The following PRKN variants were observed in gnomAD, a reference collection of about 807,000 sequenced individuals.
PRKN encodes the protein E3 ubiquitin-protein ligase parkin.
In PRKN, 56 loss-of-function variants were observed where a neutral mutation model predicts 59.5. The ratio of observed to expected loss-of-function variants is 0.94; its 90% CI spans 0.76 to 1.18. The LOEUF is 1.18. Ranked by LOEUF, PRKN falls within the 50% of genes most tolerant of loss-of-function variation. The probability of loss-of-function intolerance (pLI) is 0.00; values close to 1 mark genes in which losing one functional copy is unlikely to be tolerated. For synonymous variants in PRKN, 250 were observed against 222.1 expected (o/e 1.13, Z -1.12); for missense variants, 657 against 596.4 (o/e 1.10, Z -1.06).
chr6:162,019,555 G>A (rs1260917320), intron 5 of PRKN, among the ~76,000 whole-genome samples: 3 of 152,160 alleles, frequency 2.0e-5, no homozygotes, highest in African/African-American at 7.2e-5. Flanking sequence ...GCGCTGATGT[G>A]TAATTAATCT....
In PRKN at chr6:161,830,547, C is replaced by T. The variant is rs532478311; in HGVS notation, c.735-44639G>A. The stretch of plus-strand genomic sequence containing the variant: ...GATAACAGGCGTGAGCCCCCGCACC[C>T]GGCCCGCCTTTGTTTTACTAATAAC... On this transcript the variant is annotated intron_variant, in intron 6 of 11. Coordinates refer to ENST00000366898, the MANE Select transcript of PRKN (RefSeq NM_004562.3). Among the ~76,000 whole-genome samples the T allele has an allele frequency of 1.7e-4, 26 of 152,296 alleles. No individual in the cohort carries two copies. The South Asian group carries it at 1.9e-3, about 11-fold the overall frequency.
chr6:162,113,763 T>C (rs1326729198), intron 4 of PRKN, among the ~76,000 whole-genome samples: 1 of 152,230 alleles, frequency 6.6e-6, no homozygotes, highest in Non-Finnish European at 1.5e-5. Context: ...CCATTGTTTT[T>C]GGTGTTTTAG....
chr6:162,026,725 G>A (rs1261412259), intron 5 of PRKN, among the ~76,000 whole-genome samples: 1 of 152,042 alleles, frequency 6.6e-6, no homozygotes, highest in African/African-American at 2.4e-5. Context: ...GGCTTGAAAC[G>A]TAATTGTGCT....
At chr6:161,972,317 A>G (rs902135323) in intron 6 of PRKN, among the ~76,000 whole-genome samples, 1 of 152,052 alleles carries the variant, frequency 6.6e-6, no homozygotes, top group Non-Finnish European at 1.5e-5. Flanking sequence ...ATGAGGGCTA[A>G]GTTCTCACTA....
intron 7 of PRKN, among the ~76,000 whole-genome samples, chr6:161,580,044 G>A (rs1026802475): frequency 1.3e-5 from 2 of 152,054 alleles, no homozygotes; most frequent in African/African-American, 4.8e-5. Flanking sequence ...GCTGGGGTGA[G>A]ATACATTTGA....
chr6:161,550,223 GA>G lies in PRKN; in HGVS notation c.934-1221del. ...GGCGGAGGCAGAGAGAACAAGGAGG[GA>G]AAAAAACAGAAGGTGAAGTTGGAGA... On this transcript the variant is annotated intron_variant, in intron 8 of 11. Transcript: ENST00000366898. This position sits in a 1 kb window ranked among gnomAD's most constrained non-coding sequence, Gnocchi z 4.0. 1.3e-5 allele frequency among the ~76,000 whole-genome samples: 2 copies of G among 152,156 alleles called. No homozygotes were observed. The highest frequency in any genetic ancestry group is 1.5e-5 in the Non-Finnish European group (1 of 67,984).
chr6:161,663,715 G>A (rs1274714824), intron 7 of PRKN, among the ~76,000 whole-genome samples: 3 of 152,166 alleles, frequency 2.0e-5, no homozygotes, highest in Admixed American at 1.3e-4. Flanking sequence ...TTCACTTTAT[G>A]TATGATTTTA....
intron 6 of PRKN, among the ~76,000 whole-genome samples, chr6:161,881,921 G>A (rs756263913): frequency 6.6e-6 from 1 of 152,052 alleles, no homozygotes; most frequent in Non-Finnish European, 1.5e-5. Flanking sequence ...GGCCAGCTAG[G>A]ACAGGCACCA....
intron 4 of PRKN, among the ~76,000 whole-genome samples, chr6:162,073,229 T>C (rs1778660431): frequency 6.6e-6 from 1 of 152,238 alleles, no homozygotes; most frequent in African/African-American, 2.4e-5. Flanking sequence ...ACTCACTTTA[T>C]AACAACCCCA....
intron 4 of PRKN, among the ~76,000 whole-genome samples, chr6:162,141,936 C>G (rs1781799195): frequency 6.6e-6 from 1 of 152,316 alleles, no homozygotes; most frequent in African/African-American, 2.4e-5. Flanking sequence ...GCAAGATGAT[C>G]ACCAAAACCT....
intron 1 of PRKN, among the ~76,000 whole-genome samples, chr6:162,614,091 G>GT (rs1782300691): frequency 6.6e-6 from 1 of 152,154 alleles, no homozygotes; most frequent in Non-Finnish European, 1.5e-5. Context: ...TATAAATACT[G>GT]TATTTGTAGG....
At position 162,710,414 on chromosome 6, in the gene PRKN, C is replaced by CACACACACACACACACACACACACAA. The variant is rs759309558; in HGVS notation, c.7+17247_7+17248insTTGTGTGTGTGTGTGTGTGTGTGTGT. On this transcript the variant is annotated intron_variant, in intron 1 of 11. Transcript: ENST00000366898. The stretch of plus-strand genomic sequence containing the variant: ...ACACACACACACACACACACACACA[C>CACACACACACACACACACACACACAA]AACTGTTTGGTATGATGAGGAAGAA... 3.6e-4 allele frequency among the ~76,000 whole-genome samples: 54 copies of CACACACACACACACACACACACACAA among 150,070 alleles called. 1 individual carries two copies. The highest frequency in any genetic ancestry group is 1.1e-3 in the African/African-American group (44 of 40,166).
intron 6 of PRKN, among the ~76,000 whole-genome samples, chr6:161,816,479 C>T (rs1196744423): frequency 1.3e-5 from 2 of 152,128 alleles, no homozygotes; most frequent in Non-Finnish European, 2.9e-5. Context: ...AATTGAATTG[C>T]ACACTTTCAA....
chr6:162,444,547 T>TC (rs1222163033), intron 1 of PRKN, among the ~76,000 whole-genome samples: 4 of 152,040 alleles, frequency 2.6e-5, no homozygotes, highest in South Asian at 2.1e-4. Flanking sequence ...ATTCATGACC[T>TC]CCCTCCTTCT....
chr6:161,622,160 G>A (rs1454318185), intron 7 of PRKN, among the ~76,000 whole-genome samples: 2 of 149,684 alleles, frequency 1.3e-5, no homozygotes, highest in African/African-American at 4.8e-5. Flanking sequence ...GCAGATGGGG[G>A]GCTGCCCTCT....
rs1391855710 is a variant in PRKN at position 161,369,885 on chromosome 6, A to G, written c.1168-9680T>C. 5 of 345,954 alleles carry G rather than the reference A, an allele frequency of 1.4e-5. No individual in the cohort carries two copies. The highest frequency in any genetic ancestry group is 7.7e-5 in the East Asian group (1 of 13,068). 21.4% of individuals were successfully genotyped at this position (345,954 alleles called of 1,614,324 possible). A position where few individuals can be genotyped will look rare whatever the true frequency, so the allele number is the denominator to read the frequency against. ...AAAATTCCCTCAGAAAGGTAAAGGC[A>G]TGATCGTCCATCTGTGGCTCAAGAG... On this transcript the variant is annotated intron_variant, in intron 10 of 11. Transcript: ENST00000366898. The surrounding 1 kb of genome is among the most constrained non-coding windows in gnomAD (Gnocchi z 5.8).
At position 161,907,618 on chromosome 6, in the gene PRKN, G is replaced by C. The variant is rs74474159; in HGVS notation, c.734+65684C>G. ...ATTTTTGTGAATGTGCACTGGGGACGTAAGAGAGGAAAATAGCAGGAGAAG... is the reference window on the plus strand; with the variant it reads ...ATTTTTGTGAATGTGCACTGGGGACCTAAGAGAGGAAAATAGCAGGAGAAG... On this transcript the variant is annotated intron_variant, in intron 6 of 11. Coordinates refer to ENST00000366898, the MANE Select transcript of PRKN (RefSeq NM_004562.3). Among the ~76,000 whole-genome samples the C allele has an allele frequency of 4.7e-3, 721 of 152,188 alleles. 33 individuals carry two copies. The East Asian group carries it at 0.1, about 21-fold the overall frequency.
At chr6:162,424,023 A>G (rs1227998374) in intron 2 of PRKN, among the ~76,000 whole-genome samples, 1 of 152,196 alleles carries the variant, frequency 6.6e-6, no homozygotes, top group African/African-American at 2.4e-5. Context: ...GGGTGAACAG[A>G]TAAATAAACT....
At chr6:161,814,802 G>A (rs879586697) in intron 6 of PRKN, among the ~76,000 whole-genome samples, 5 of 152,066 alleles carry the variant, frequency 3.3e-5, no homozygotes, top group Non-Finnish European at 2.9e-5. Context: ...GCGCCCAGCC[G>A]GGAACTGCCT....
Sources: allele counts gnomAD v4.1 joint callset (sites outside exome capture counted in the v4.1 genomes callset), GRCh38; gene constraint gnomAD v4.1.1; non-coding constraint Gnocchi (gnomAD v3.1); transcripts MANE v1.5; gene names NCBI Gene and HGNC (gene_info 2026-07-23, HGNC 2026-07-21).